The following DCTN4 variants were observed in gnomAD, a reference collection of about 807,000 sequenced individuals.
DCTN4 encodes the protein dynactin 4 (p62).
A neutral mutation model predicts 62.7 loss-of-function variants in DCTN4; 23 were observed. That is an observed-to-expected ratio of 0.37 (90% CI 0.26 to 0.52). The LOEUF (loss-of-function observed/expected upper bound fraction) is 0.52, where lower values mean the gene tolerates loss of function less well. Ranked by LOEUF, DCTN4 falls within the 20% of genes least tolerant of loss-of-function variation. The pLI is 0.92. For missense variants in DCTN4, 514 were observed against 580.4 expected, an observed-to-expected ratio of 0.89 and a Z score of 1.18; for synonymous variants, 199 against 202.1, an observed-to-expected ratio of 0.98 and a Z score of 0.13.
At chr5:150,744,178 G>A (rs1194133740) in intron 3 of DCTN4, among the ~76,000 whole-genome samples, 6 of 152,222 alleles carry the variant, frequency 3.9e-5, no homozygotes, top group Non-Finnish European at 4.4e-5. Context: ...TCAACTGGAA[G>A]AAAGGGTATC....
intron 4 of DCTN4, among the ~76,000 whole-genome samples, chr5:150,739,210 TAA>T (rs1241522126): frequency 8.0e-5 from 12 of 149,448 alleles, no homozygotes; most frequent in Non-Finnish European, 1.8e-4. Flanking sequence ...TTGAATTCAG[TAA>T]AGTTTCAGGA....
rs3733924 is a variant in DCTN4 at position 150,710,818 on chromosome 5, C to A, written c.*331G>T. Reference sequence around the variant, plus strand: ...TCCTTAGTGAGATCAGATCAAGAGACAGTACAGAGTTTCTCAGGTGGTAAA... The same window carrying A: ...TCCTTAGTGAGATCAGATCAAGAGAAAGTACAGAGTTTCTCAGGTGGTAAA... On this transcript the variant is annotated 3_prime_UTR_variant, in exon 13 of 13. Coordinates refer to ENST00000447998, the MANE Select transcript of DCTN4 (RefSeq NM_016221.4). The A allele has an allele frequency of 1.3e-5, 4 of 319,852 alleles. No individual in the cohort carries two copies. The highest frequency in any genetic ancestry group is 4.2e-5 in the Admixed American group (1 of 23,696). The allele number at this position is 319,852 out of a possible 1,614,324, so 19.8% of individuals were successfully genotyped here.
rs758677408 is a variant in DCTN4 at position 150,722,999 on chromosome 5, T to C, written c.835-19A>G. Reference sequence around the variant, plus strand: ...CACATTTCTAAAAAGAAAACAAATATAACACGTATCAGAAGACAACAACAC... The same window carrying C: ...CACATTTCTAAAAAGAAAACAAATACAACACGTATCAGAAGACAACAACAC... On this transcript the variant is annotated intron_variant, in intron 8 of 12. Coordinates refer to ENST00000447998, the MANE Select transcript of DCTN4 (RefSeq NM_016221.4). 1.3e-6 allele frequency: 2 copies of C among 1,557,634 alleles called. No individual in the cohort carries two copies. Among genetic ancestry groups the C allele is most frequent in the East Asian group, 2.3e-5 (1 of 44,388 alleles).
chr5:150,710,022 G>C lies in DCTN4; in HGVS notation c.*1127C>G, dbSNP rs752226204. 10 of 152,322 alleles carry C rather than the reference G, an allele frequency of 6.6e-5. No homozygotes were observed. The highest frequency in any genetic ancestry group is 1.3e-4 in the Non-Finnish European group (9 of 68,046). The allele number at this position is 152,322 out of a possible 1,614,324, so 9.4% of individuals were successfully genotyped here. On this transcript the variant is annotated 3_prime_UTR_variant, in exon 13 of 13. Coordinates refer to ENST00000447998, the MANE Select transcript of DCTN4 (RefSeq NM_016221.4). ...GTTAGGCCAGAACTGTGGGCTACTT[G>C]CTGAACTATTTTATGGTTTACAATC... is the stretch of plus-strand genomic sequence containing the variant.
chr5:150,735,860 C>T (rs1444189496), intron 4 of DCTN4, among the ~76,000 whole-genome samples: 1 of 147,350 alleles, frequency 6.8e-6, no homozygotes, highest in African/African-American at 2.5e-5. Context: ...TTAAGCTACT[C>T]AAAAAGCTAC....
intron 11 of DCTN4, among the ~76,000 whole-genome samples, chr5:150,717,609 G>A (rs961772957): frequency 3.3e-5 from 5 of 152,172 alleles, no homozygotes; most frequent in Non-Finnish European, 7.3e-5. Context: ...AGGCATACCA[G>A]CTTCTAAATG....
rs1395648514 is a variant in DCTN4, at chr5:150,731,600, A to C, written c.538-111T>G. On this transcript the variant is annotated intron_variant, in intron 5 of 12. Transcript: ENST00000447998. ...TGAGAAGCTCAGGGAAATAAGCAAA[A>C]AAAAAGCTAATCTAAAGGCTTCTTT... 8.9e-5 allele frequency: 73 copies of C among 818,184 alleles called. 1 individual carries two copies. In the East Asian group the frequency reaches 1.9e-3, roughly 21 times the overall value. The allele number at this position is 818,184 out of a possible 1,614,324, so 50.7% of individuals were successfully genotyped here.
chr5:150,739,404 C>G lies in DCTN4; in HGVS notation c.429+2710G>C, dbSNP rs1760694458. Among the ~76,000 whole-genome samples the G allele has an allele frequency of 2.0e-5, 3 of 152,098 alleles. No individual in the cohort carries two copies. In the South Asian group the frequency reaches 6.2e-4, roughly 31 times the overall value. On this transcript the variant is annotated intron_variant, in intron 4 of 12. Transcript: ENST00000447998. Reference sequence around the variant, plus strand: ...TGAAAGACCTCTACAAGAAAAACTACAAAACACTGTTGAAAGAAATCACAG... The same window carrying G: ...TGAAAGACCTCTACAAGAAAAACTAGAAAACACTGTTGAAAGAAATCACAG...
intron 2 of DCTN4, 141 bp downstream of exon 2, chr5:150,756,276 C>T (rs1184251412): frequency 1.4e-5 from 7 of 496,596 alleles, no homozygotes; most frequent in African/African-American, 8.0e-5. Flanking sequence ...CTCTTGACCT[C>T]GTGATCCCTG....
intron 5 of DCTN4, 191 bp from the exon 6 acceptor site, chr5:150,731,680 G>A (rs1197536558): frequency 2.4e-5 from 15 of 635,432 alleles, no homozygotes. Flanking sequence ...AATAATAACA[G>A]CACTAAACAT....
chr5:150,737,965 T>C (rs1168168374), intron 4 of DCTN4, among the ~76,000 whole-genome samples: 3 of 151,968 alleles, frequency 2.0e-5, no homozygotes, highest in Non-Finnish European at 2.9e-5. Flanking sequence ...ACAGAAAAGA[T>C]CATTCAGGGC....
rs772977949 is a variant in DCTN4 at position 150,742,200 on chromosome 5, T to C, written c.386-43A>G. On this transcript the variant is annotated intron_variant, in intron 3 of 12. Coordinates refer to ENST00000447998, the MANE Select transcript of DCTN4 (RefSeq NM_016221.4). ...ATTAAACAAGACTTTCATAATGTGA[T>C]AATTTTATTTTCATAAAACAAGTCT... The C allele has an allele frequency of 3.8e-6, 6 of 1,589,836 alleles. No individual in the cohort carries two copies. The East Asian group carries it at 8.9e-5, about 24-fold the overall frequency.
At chr5:150,722,852 A>C (rs1451743207) in intron 9 of DCTN4, 55 bp downstream of exon 9, 10 of 1,431,872 alleles carry the variant, frequency 7.0e-6, no homozygotes, top group Non-Finnish European at 9.7e-6. Context: ...GGGAAGAAGA[A>C]TAAACCAAAA....
chr5:150,731,556 A>G, intron 5 of DCTN4, 67 bp from the exon 6 acceptor site: 1 of 1,318,174 alleles, frequency 7.6e-7, no homozygotes, highest in Non-Finnish European at 1.1e-6. Context: ...CAAAAGAAAG[A>G]ATTTTGGGTA....
At chr5:150,756,344 G>A in intron 2 of DCTN4, 73 bp downstream of exon 2, 1 of 1,127,568 alleles carries the variant, frequency 8.9e-7, no homozygotes, top group South Asian at 1.6e-5. Context: ...TGGCCCATGT[G>A]TCTTTTTAAC....
chr5:150,758,826 C>T, intron 1 of DCTN4, 33 bp downstream of exon 1: 1 of 1,606,752 alleles, frequency 6.2e-7, no homozygotes, highest in Non-Finnish European at 8.5e-7. Context: ...GCCCCCCCCA[C>T]CCCACATACT....
chr5:150,755,304 G>C (rs1184898431), intron 2 of DCTN4, among the ~76,000 whole-genome samples: 2 of 152,178 alleles, frequency 1.3e-5, no homozygotes, highest in Admixed American at 1.3e-4. Context: ...AATAATTTAT[G>C]CAGATAGTCC....
chr5:150,718,377 G>T lies in DCTN4; in HGVS notation c.970C>A (p.Gln324Lys). The T allele has an allele frequency of 6.2e-7, 1 of 1,612,138 alleles. No individual in the cohort carries two copies. Among genetic ancestry groups the T allele is most frequent in the Non-Finnish European group, 8.5e-7 (1 of 1,178,268 alleles). The change falls in exon 11 of 13, where the codon CAG becomes AAG. Residue 324 changes from glutamine to lysine, a missense_variant. Transcript: ENST00000447998. Reference sequence around the variant, plus strand: ...GGATTTGTAAGAGTCAGGAGGACCTGGCTCTCCTGGTGAATAGGAAACACA... The same window carrying T: ...GGATTTGTAAGAGTCAGGAGGACCTTGCTCTCCTGGTGAATAGGAAACACA... ...IPNLRYMKES[Q>K]VLLTLTNPVE...
At chr5:150,753,364 A>T in intron 3 of DCTN4, 115 bp downstream of exon 3, 4 of 887,976 alleles carry the variant, frequency 4.5e-6, no homozygotes, top group South Asian at 3.6e-5. Flanking sequence ...AGTTAATGAC[A>T]AAATATTCTG....
Sources: gnomAD v4.1 joint callset for allele counts (sites outside exome capture counted in the v4.1 genomes callset) on GRCh38, gnomAD v4.1.1 for gene constraint, MANE v1.5 for transcripts, NCBI Gene and HGNC (gene_info 2026-07-23, HGNC 2026-07-21) for gene names.